Variants in PTPRD observed in about 807,000 individuals in gnomAD.
PTPRD encodes the protein receptor-type tyrosine-protein phosphatase delta.
PTPRD carries 34 observed loss-of-function variants against 214.5 expected under a neutral mutation model. The observed-to-expected ratio is 0.16, with a 90% CI of 0.12 to 0.21. PTPRD has a LOEUF of 0.21. Among genes scored for constraint, PTPRD ranks in the 10% least tolerant of loss-of-function variants. The pLI is 1.00. For missense variants in PTPRD, 2,545 were observed against 2,398.7 expected (o/e 1.06, Z -1.27); for synonymous variants, 1,128 against 845.7 (o/e 1.33, Z -5.79).
chr9:9,414,482 G>A (rs1426436972), intron 8 of PTPRD, among the ~76,000 whole-genome samples: 1 of 152,196 alleles, frequency 6.6e-6, no homozygotes, highest in Non-Finnish European at 1.5e-5. Flanking sequence ...CCTTAAGGAG[G>A]TGGTGGTAAT....
intron 7 of PTPRD, among the ~76,000 whole-genome samples, chr9:9,616,726 C>T (rs1025692501): frequency 1.3e-5 from 2 of 152,072 alleles, no homozygotes; most frequent in South Asian, 2.1e-4. Flanking sequence ...GAATTATCCA[C>T]CCCTTGTTTA....
rs551895118 is a variant in PTPRD, at chr9:9,087,563, C to A, written c.-142-68828G>T. 5.5e-4 allele frequency among the ~76,000 whole-genome samples: 83 copies of A among 152,136 alleles called. 1 individual carries two copies. In the South Asian group the frequency reaches 0.016, roughly 30 times the overall value. The stretch of plus-strand genomic sequence containing the variant: ...TGAGAAACATACAGAGAAGTGATTT[C>A]AAGGAAAATACAGAGAATTCTGAGT... On this transcript the variant is annotated intron_variant, in intron 10 of 45. Transcript: ENST00000381196.
intron 3 of PTPRD, among the ~76,000 whole-genome samples, chr9:10,110,471 C>T (rs550959493): frequency 3.9e-5 from 6 of 152,062 alleles, no homozygotes; most frequent in Admixed American, 3.3e-4. Context: ...CCTTCCTCTC[C>T]CAACAACAAA....
At chr9:10,081,144 G>C (rs1044945345) in intron 3 of PTPRD, among the ~76,000 whole-genome samples, 4 of 151,916 alleles carry the variant, frequency 2.6e-5, no homozygotes, top group African/African-American at 9.6e-5. Context: ...CATGCTTCTA[G>C]ATAATTCTTT....
At chr9:9,484,271 T>C (rs2095536798) in intron 8 of PTPRD, among the ~76,000 whole-genome samples, 1 of 151,874 alleles carries the variant, frequency 6.6e-6, no homozygotes, top group East Asian at 1.9e-4. Context: ...ATTCAAAAAA[T>C]GTCATTTTGA....
At chr9:9,467,468 T>C (rs2094269461) in intron 8 of PTPRD, among the ~76,000 whole-genome samples, 1 of 150,936 alleles carries the variant, frequency 6.6e-6, no homozygotes, top group South Asian at 2.1e-4. Flanking sequence ...GCACCTGTAG[T>C]CCCAGCTACT....
chr9:10,459,247 C>T (rs1588638603), intron 2 of PTPRD, among the ~76,000 whole-genome samples: 1 of 152,096 alleles, frequency 6.6e-6, no homozygotes, highest in Admixed American at 6.6e-5. Context: ...TTTATGGCTG[C>T]ATAATATTCC....
At chr9:8,380,841 T>A (rs768618885) in intron 37 of PTPRD, among the ~76,000 whole-genome samples, 1 of 152,088 alleles carries the variant, frequency 6.6e-6, no homozygotes, top group African/African-American at 2.4e-5. Flanking sequence ...TAATGAGCGG[T>A]AGCCAACTTT....
At chr9:8,735,471 G>C (rs1227391046) in intron 11 of PTPRD, among the ~76,000 whole-genome samples, 1 of 152,040 alleles carries the variant, frequency 6.6e-6, no homozygotes, top group African/African-American at 2.4e-5. Context: ...TACAGGACTG[G>C]GTCACATATT....
rs77291183 is a variant in PTPRD at position 10,230,268 on chromosome 9, C to T, written c.-545+110695G>A. Among the ~76,000 whole-genome samples the T allele has an allele frequency of 7.0e-3, 1,057 of 152,066 alleles. 84 individuals are homozygous for T. The East Asian group carries it at 0.18, about 26-fold the overall frequency. ...TCACTTCCAGATTCCAGGACTCAGA[C>T]AATACATTGCGTTGTGTTAAGCCAT... is the stretch of plus-strand genomic sequence containing the variant. On this transcript the variant is annotated intron_variant, in intron 3 of 45. Transcript: ENST00000381196.
chr9:9,882,997 C>T (rs899747608), intron 5 of PTPRD, among the ~76,000 whole-genome samples: 2 of 152,104 alleles, frequency 1.3e-5, no homozygotes, highest in Non-Finnish European at 2.9e-5. Flanking sequence ...TTGCATTCTG[C>T]CATGATTGTA....
chr9:10,044,076 A>G (rs575622247), intron 3 of PTPRD, among the ~76,000 whole-genome samples: 2 of 151,856 alleles, frequency 1.3e-5, no homozygotes, highest in South Asian at 4.1e-4. Flanking sequence ...GAATGTCATG[A>G]AAGATACCAG....
At chr9:10,489,968 T>G (rs2099156490) in intron 2 of PTPRD, among the ~76,000 whole-genome samples, 2 of 152,166 alleles carry the variant, frequency 1.3e-5, no homozygotes. Context: ...GTACTTTGAG[T>G]GCTCACTTGA....
intron 11 of PTPRD, among the ~76,000 whole-genome samples, chr9:8,737,884 T>C (rs7858096): frequency 0.1 from 15,949 of 152,084 alleles, 2,042 homozygotes; most frequent in African/African-American, 0.31. Context: ...CTCCTGACCT[T>C]GTGATCCGCT....
chr9:10,440,708 T>C lies in PTPRD; in HGVS notation c.-599-99691A>G, dbSNP rs1021336154. On this transcript the variant is annotated intron_variant, in intron 2 of 45. Coordinates refer to ENST00000381196, the MANE Select transcript of PTPRD (RefSeq NM_002839.4). ...CATTTCACCTCGAGAGCCAATAATA[T>C]GAAATAATAGCCAATTGTAATAGAG... Among the ~76,000 whole-genome samples the C allele has an allele frequency of 4.0e-5, 6 of 151,722 alleles. No homozygotes were observed. The East Asian group carries it at 1.2e-3, about 29-fold the overall frequency.
At chr9:10,167,197 G>A (rs558918990) in intron 3 of PTPRD, among the ~76,000 whole-genome samples, 1 of 151,620 alleles carries the variant, frequency 6.6e-6, no homozygotes, top group East Asian at 1.9e-4. Context: ...GTATTTCAGA[G>A]AGAATTAAGA....
intron 9 of PTPRD, among the ~76,000 whole-genome samples, chr9:9,226,156 G>A (rs2099959335): frequency 6.6e-6 from 1 of 151,842 alleles, no homozygotes; most frequent in Non-Finnish European, 1.5e-5. Context: ...TAAAGTGGGG[G>A]AAGAATAGTG....
chr9:8,598,694 A>G (rs1594901745), intron 14 of PTPRD, among the ~76,000 whole-genome samples: 1 of 152,188 alleles, frequency 6.6e-6, no homozygotes, highest in Non-Finnish European at 1.5e-5. Context: ...ATAGCACTAA[A>G]AAGTATCCTT....
chr9:10,370,042 T>G (rs989214620), intron 2 of PTPRD, among the ~76,000 whole-genome samples: 4 of 152,208 alleles, frequency 2.6e-5, no homozygotes, highest in African/African-American at 9.6e-5. Flanking sequence ...TCTACAGATG[T>G]TGAAACTGGG....
Sources: gnomAD v4.1 joint callset for allele counts (sites outside exome capture counted in the v4.1 genomes callset) on GRCh38, gnomAD v4.1.1 for gene constraint, MANE v1.5 for transcripts, NCBI Gene and HGNC (gene_info 2026-07-23, HGNC 2026-07-21) for gene names.